The following LPP variants were observed in gnomAD, a reference collection of about 807,000 sequenced individuals.
LPP encodes the protein lipoma-preferred partner.
In LPP, 38 loss-of-function variants were observed where a neutral mutation model predicts 60.4. The ratio of observed to expected loss-of-function variants is 0.63; its 90% CI spans 0.49 to 0.83. The LOEUF (loss-of-function observed/expected upper bound fraction) is 0.83. LPP is among the 40% of genes least tolerant of loss of function. LPP has a pLI of 0.00. For missense variants in LPP, 902 were observed against 783.6 expected (o/e 1.15, Z -1.80); for synonymous variants, 328 against 290.8 (o/e 1.13, Z -1.30).
intron 2 of LPP, among the ~76,000 whole-genome samples, chr3:188,249,708 C>T (rs1728382713): frequency 1.3e-5 from 2 of 151,208 alleles, no homozygotes; most frequent in African/African-American, 4.9e-5. Flanking sequence ...TAAAAAGTTG[C>T]AAAATAAGCA....
At chr3:188,736,334 G>C (rs2150111472) in intron 8 of LPP, among the ~76,000 whole-genome samples, 1 of 152,110 alleles carries the variant, frequency 6.6e-6, no homozygotes, top group Admixed American at 6.5e-5. Flanking sequence ...GTTAACAACT[G>C]TATGAAAATT....
intron 2 of LPP, among the ~76,000 whole-genome samples, chr3:188,312,258 C>T (rs1480492834): frequency 6.6e-6 from 1 of 151,954 alleles, no homozygotes; most frequent in African/African-American, 2.4e-5. Flanking sequence ...CTGTTATTAG[C>T]GACTCTAAAC....
intron 6 of LPP, among the ~76,000 whole-genome samples, chr3:188,602,975 A>G (rs1407167631): frequency 1.3e-5 from 2 of 151,382 alleles, no homozygotes; most frequent in Non-Finnish European, 2.9e-5. Flanking sequence ...CACCTCATGC[A>G]CTACAGGTGA....
rs114713577 is a variant in LPP at position 188,766,809 on chromosome 3, A to G, written c.1410+6527A>G. ...TATGTAATTCTCTCATCTCAGTATA[A>G]TAGTTCACATTTTGTCATGCACTTC... On this transcript the variant is annotated intron_variant, in intron 9 of 11. Transcript: ENST00000617246. Among the ~76,000 whole-genome samples the G allele has an allele frequency of 4.6e-3, 701 of 152,318 alleles. 4 individuals carry two copies. Among genetic ancestry groups the G allele is most frequent in the African/African-American group, 0.016 (664 of 41,566 alleles).
intron 9 of LPP, among the ~76,000 whole-genome samples, chr3:188,822,968 T>C (rs1754406929): frequency 6.6e-6 from 1 of 152,170 alleles, no homozygotes; most frequent in African/African-American, 2.4e-5. Flanking sequence ...AGGGCAGGTT[T>C]TTTTGTGCAA....
chr3:188,383,203 C>T (rs1777356865), intron 3 of LPP, among the ~76,000 whole-genome samples: 2 of 152,174 alleles, frequency 1.3e-5, no homozygotes, highest in East Asian at 3.9e-4. Flanking sequence ...TTTTGGGTTC[C>T]ATTCTATTTA....
rs1431356420 is a variant in LPP, at chr3:188,545,328, C to T, written c.429+20541C>T. On this transcript the variant is annotated intron_variant, in intron 6 of 11. Transcript: ENST00000617246. ...AAAAGCCTTTAGAAAAAAAAGTAAG[C>T]TTTGTTTAAATTATTAATGTGTAGG... Among the ~76,000 whole-genome samples the T allele has an allele frequency of 2.0e-5, 3 of 149,376 alleles. No homozygotes were observed. In the East Asian group the frequency reaches 5.9e-4, roughly 29 times the overall value.
intron 6 of LPP, among the ~76,000 whole-genome samples, chr3:188,561,483 T>C (rs748615799): frequency 5.9e-5 from 9 of 152,056 alleles, no homozygotes; most frequent in Non-Finnish European, 1.0e-4. Context: ...CCCTGTCATT[T>C]CTCAAAAATG....
intron 1 of LPP, among the ~76,000 whole-genome samples, 24 bp downstream of exon 1, chr3:188,154,276 C>T (rs1432155524): frequency 7.9e-5 from 12 of 152,034 alleles, no homozygotes; most frequent in Admixed American, 6.5e-4. Flanking sequence ...TCCTTCCTTC[C>T]CCTCACCCTC....
At chr3:188,532,557 C>T (rs1822476241) in intron 6 of LPP, among the ~76,000 whole-genome samples, 1 of 152,136 alleles carries the variant, frequency 6.6e-6, no homozygotes, top group African/African-American at 2.4e-5. Flanking sequence ...TAGGGTGGGG[C>T]ATAGTTTGAT....
chr3:188,550,300 C>A (rs147505873), intron 6 of LPP, among the ~76,000 whole-genome samples: 2 of 152,012 alleles, frequency 1.3e-5, no homozygotes, highest in Admixed American at 6.6e-5. Context: ...AATCAAGGGC[C>A]AGGTGCAGTG....
intron 6 of LPP, among the ~76,000 whole-genome samples, chr3:188,597,768 G>A (rs1840271352): frequency 6.6e-6 from 1 of 151,936 alleles, no homozygotes; most frequent in African/African-American, 2.4e-5. Context: ...TATGGAATTT[G>A]CCAATAATAC....
At chr3:188,821,660 A>G (rs1287808788) in intron 9 of LPP, among the ~76,000 whole-genome samples, 2 of 152,102 alleles carry the variant, frequency 1.3e-5, no homozygotes, top group Admixed American at 1.3e-4. Context: ...TTACATATTT[A>G]TGCTTATATA....
Position 188,609,168 on chromosome 3 carries a change from C to G in LPP, c.437C>G (p.Thr146Ser), listed in dbSNP as rs144679469. 10 of 1,601,480 alleles carry G rather than the reference C, an allele frequency of 6.2e-6. No individual in the cohort carries two copies. The highest frequency in any genetic ancestry group is 7.7e-6 in the Non-Finnish European group (9 of 1,172,290). The change falls in exon 7 of 12, where the codon ACT (threonine) becomes AGT (serine). Residue 146 changes from threonine to serine, a missense_variant. Thr to Ser is a moderately conservative substitution (Grantham distance 58). Coordinates refer to ENST00000617246, the MANE Select transcript of LPP (RefSeq NM_001375462.1). The surrounding 1 kb of genome is among the most constrained non-coding windows in gnomAD (Gnocchi z 6.9). ...PYKPRPPQSS[T>S]GSTASPPVST... Reference sequence around the variant, plus strand: ...TTTTCCTATTCTTTTTAGAGCTCCACTGGTTCAACAGCCTCTCCTCCAGTT... The same window carrying G: ...TTTTCCTATTCTTTTTAGAGCTCCAGTGGTTCAACAGCCTCTCCTCCAGTT...
chr3:188,327,173 C>G (rs549571811), intron 2 of LPP, among the ~76,000 whole-genome samples: 3 of 152,104 alleles, frequency 2.0e-5, no homozygotes, highest in Non-Finnish European at 4.4e-5. Context: ...TTCTTCTGCT[C>G]TTGAGGTGAG....
chr3:188,635,261 T>G (rs1357220752), intron 7 of LPP, among the ~76,000 whole-genome samples: 1 of 152,210 alleles, frequency 6.6e-6, no homozygotes. Flanking sequence ...AAAGGTTCTA[T>G]TTTGTGATAG....
rs1260472594 is a variant in LPP, at chr3:188,406,035, G to T, written c.-9-77G>T. 3.9e-6 allele frequency: 5 copies of T among 1,289,772 alleles called. No homozygotes were observed. The East Asian group carries it at 9.4e-5, about 24-fold the overall frequency. 79.9% of individuals were successfully genotyped at this position (1,289,772 alleles called of 1,614,324 possible). On this transcript the variant is annotated intron_variant, in intron 3 of 11. Coordinates refer to ENST00000617246, the MANE Select transcript of LPP (RefSeq NM_001375462.1). Reference sequence around the variant, plus strand: ...CAGGATGCATTTAGTATGGATTAAGGTGAAATAGCAATGAAATGAGGAGTA... The same window carrying T: ...CAGGATGCATTTAGTATGGATTAAGTTGAAATAGCAATGAAATGAGGAGTA...
intron 5 of LPP, among the ~76,000 whole-genome samples, chr3:188,504,065 A>G (rs945184283): frequency 2.0e-5 from 3 of 152,174 alleles, no homozygotes; most frequent in Non-Finnish European, 2.9e-5. Flanking sequence ...TGGGAATTCC[A>G]TGCTGCATAC....
chr3:188,277,078 A>G (rs1398493541), intron 2 of LPP, among the ~76,000 whole-genome samples: 5 of 151,086 alleles, frequency 3.3e-5, no homozygotes, highest in Admixed American at 1.3e-4. Context: ...TAATTTTTGC[A>G]TTTTTAGTAG....
Sources: allele counts gnomAD v4.1 joint callset (sites outside exome capture counted in the v4.1 genomes callset), GRCh38; gene constraint gnomAD v4.1.1; non-coding constraint Gnocchi (gnomAD v3.1); transcripts MANE v1.5; gene names NCBI Gene and HGNC (gene_info 2026-07-23, HGNC 2026-07-21).